The following DACH2 variants were observed in gnomAD, a reference collection of about 807,000 sequenced individuals.
DACH2 encodes dachshund homolog 2.
DACH2 carries 17 observed loss-of-function variants against 35.8 expected under a neutral mutation model. The observed-to-expected ratio is 0.48, with a 90% confidence interval of 0.33 to 0.71. The LOEUF (loss-of-function observed/expected upper bound fraction) is 0.71, where lower values mean the gene tolerates loss of function less well. Among genes scored for constraint, DACH2 ranks in the 30% least tolerant of loss-of-function variants. DACH2 has a pLI of 0.02. For synonymous variants in DACH2, 195 were observed against 177.3 expected (o/e 1.10, Z -0.79); for missense variants, 469 against 472.7 (o/e 0.99, Z 0.07).
intron 2 of DACH2, among the ~76,000 whole-genome samples, chrX:86,456,476 A>G (rs2037477124): frequency 8.9e-6 from 1 of 111,957 alleles, no homozygotes; most frequent in South Asian, 3.7e-4. Context: ...TCTTGCAATA[A>G]CAAAATATTC....
intron 2 of DACH2, among the ~76,000 whole-genome samples, chrX:86,421,983 G>A (rs1486234667): frequency 9.0e-6 from 1 of 111,289 alleles, no homozygotes; most frequent in East Asian, 2.8e-4. Flanking sequence ...TCTGAGGAGA[G>A]TTGAGGCAAT....
chrX:86,300,517 C>T (rs1348230980), intron 1 of DACH2, among the ~76,000 whole-genome samples: 1 of 103,966 alleles, frequency 9.6e-6, no homozygotes, highest in Non-Finnish European at 2.0e-5. Context: ...ACATCACACA[C>T]CGGGGCCTGT....
At chrX:86,298,609 A>G (rs1015969015) in intron 1 of DACH2, among the ~76,000 whole-genome samples, 11 of 111,901 alleles carry the variant, frequency 9.8e-5, no homozygotes, top group African/African-American at 1.3e-4. Flanking sequence ...TACTATTTCA[A>G]TAAACCCCAA....
chrX:86,383,834 G>A (rs1318954108), intron 2 of DACH2, among the ~76,000 whole-genome samples: 1 of 109,260 alleles, frequency 9.2e-6, no homozygotes, highest in Admixed American at 1.0e-4. Flanking sequence ...CACCCAATGT[G>A]AAGGAAGACT....
intron 4 of DACH2, among the ~76,000 whole-genome samples, chrX:86,686,939 A>G (rs2040951228): frequency 2.7e-5 from 3 of 112,214 alleles, no homozygotes; most frequent in Admixed American, 1.9e-4. Flanking sequence ...CAACATTTTA[A>G]TTTAGAAACA....
chrX:86,603,718 A>G (rs974925403), intron 3 of DACH2, among the ~76,000 whole-genome samples: 51 of 111,414 alleles, frequency 4.6e-4, no homozygotes, highest in African/African-American at 1.6e-3. Context: ...CCACTCTTGC[A>G]CTTGGCTTGA....
chrX:86,563,488 A>T (rs1379060761), intron 3 of DACH2, among the ~76,000 whole-genome samples: 1 of 111,271 alleles, frequency 9.0e-6, no homozygotes, highest in East Asian at 2.8e-4. Flanking sequence ...ATTTGAAATT[A>T]ATTTGAAAAT....
chrX:86,232,084 T>A (rs2032960612), intron 1 of DACH2, among the ~76,000 whole-genome samples: 1 of 111,880 alleles, frequency 8.9e-6, no homozygotes, highest in East Asian at 2.8e-4. Flanking sequence ...GCCTAGATGG[T>A]GTGCCATTGT....
At chrX:86,167,599 G>T (rs773960327) in intron 1 of DACH2, among the ~76,000 whole-genome samples, 9 of 109,935 alleles carry the variant, frequency 8.2e-5, no homozygotes, top group Non-Finnish European at 1.3e-4. Flanking sequence ...AGTTTGATTT[G>T]CTCTTGCTTT....
At chrX:86,323,305 A>C (rs753338208) in intron 1 of DACH2, among the ~76,000 whole-genome samples, 1 of 112,057 alleles carries the variant, frequency 8.9e-6, no homozygotes, top group Non-Finnish European at 1.9e-5. Context: ...AATAGCCTAC[A>C]TGGAGAGACG....
chrX:86,752,151 G>A (rs747533684), intron 7 of DACH2, among the ~76,000 whole-genome samples: 3 of 111,247 alleles, frequency 2.7e-5, no homozygotes, highest in Non-Finnish European at 5.7e-5. Context: ...TCTAGCCTCC[G>A]AATCACATGA....
intron 7 of DACH2, among the ~76,000 whole-genome samples, chrX:86,749,176 A>C (rs1172437699): frequency 8.9e-6 from 1 of 111,900 alleles, no homozygotes; most frequent in African/African-American, 3.2e-5. Context: ...ATCAAGAATA[A>C]GGCTAGCTCA....
At chrX:86,367,169 A>G (rs1345234735) in intron 1 of DACH2, among the ~76,000 whole-genome samples, 3 of 109,939 alleles carry the variant, frequency 2.7e-5, no homozygotes, top group Non-Finnish European at 5.7e-5. Flanking sequence ...ATAGAGATAG[A>G]CAATGTCTTT....
chrX:86,324,506 G>A (rs986660357), intron 1 of DACH2, among the ~76,000 whole-genome samples: 4 of 108,963 alleles, frequency 3.7e-5, no homozygotes, highest in African/African-American at 1.3e-4. Flanking sequence ...CTATCAAACA[G>A]CATCACATAC....
intron 7 of DACH2, among the ~76,000 whole-genome samples, chrX:86,784,103 C>A (rs1033776423): frequency 2.8e-5 from 3 of 107,807 alleles, no homozygotes; most frequent in Admixed American, 1.0e-4. Context: ...ATGTACCCCA[C>A]AAATATATAC....
At chrX:86,413,839 C>A (rs986442563) in intron 2 of DACH2, among the ~76,000 whole-genome samples, 1 of 110,454 alleles carries the variant, frequency 9.1e-6, no homozygotes, top group Admixed American at 9.7e-5. Flanking sequence ...CCTACTGGAC[C>A]CACTGTAAGT....
chrX:86,831,907 A>G, intron 11 of DACH2, 199 bp from the exon 12 acceptor site: 1 of 388,188 alleles, frequency 2.6e-6, no homozygotes, highest in Non-Finnish European at 4.4e-6. Flanking sequence ...AACAGAAGCT[A>G]TAGCATGAAA....
At chrX:86,520,792 T>C (rs1164320715) in intron 3 of DACH2, among the ~76,000 whole-genome samples, 2 of 111,847 alleles carry the variant, frequency 1.8e-5, no homozygotes, top group Non-Finnish European at 3.8e-5. Flanking sequence ...CCTATGAATG[T>C]CATTAATTGT....
Position 86,812,846 on chromosome X carries a change from G to GT in DACH2, c.1241-5dup. 1.7e-6 allele frequency: 2 copies of GT among 1,176,442 alleles called. No homozygotes were observed. The highest frequency in any genetic ancestry group is 3.0e-5 in the East Asian group (1 of 32,799). The stretch of plus-strand genomic sequence containing the variant: ...CTGTGAACCTTCTGATACTAATTTT[G>GT]TTTTTGCAGAAGAGGTACCAGTTCA... On this transcript the variant is annotated splice_polypyrimidine_tract_variant and intron_variant, in intron 7 of 11. Coordinates refer to ENST00000373125, the MANE Select transcript of DACH2 (RefSeq NM_053281.3).
Sources: gnomAD v4.1 joint callset for allele counts (sites outside exome capture counted in the v4.1 genomes callset) on GRCh38, gnomAD v4.1.1 for gene constraint, MANE v1.5 for transcripts, NCBI Gene and HGNC (gene_info 2026-07-23, HGNC 2026-07-21) for gene names.